Variants in CCDC88C observed in about 807,000 individuals in gnomAD.
CCDC88C encodes coiled-coil and HOOK domain protein 88C.
A neutral mutation model predicts 198.8 loss-of-function variants in CCDC88C; 131 were observed. The observed-to-expected ratio is 0.66, with a 90% CI of 0.57 to 0.76. CCDC88C has a LOEUF of 0.76. Ranked by LOEUF, CCDC88C falls within the 30% of genes least tolerant of loss-of-function variation. The probability of loss-of-function intolerance (pLI) is 0.00; values close to 1 mark genes in which losing one functional copy is unlikely to be tolerated. For synonymous variants in CCDC88C, 1,166 were observed against 1,114.7 expected (o/e 1.05, Z -0.92); for missense variants, 2,553 against 2,631.6 (o/e 0.97, Z 0.65).
At chr14:91,295,116 C>T (rs1247417446) in intron 22 of CCDC88C, among the ~76,000 whole-genome samples, 2 of 152,226 alleles carry the variant, frequency 1.3e-5, no homozygotes, top group Non-Finnish European at 2.9e-5. Flanking sequence ...ATGCCTGGTA[C>T]ACCGGAGGTG....
Position 91,272,772 on chromosome 14 carries a change from C to T in CCDC88C, c.5940G>A (p.Lys1980=). The T allele has an allele frequency of 6.2e-7, 1 of 1,607,082 alleles. No individual in the cohort carries two copies. Among genetic ancestry groups the T allele is most frequent in the Non-Finnish European group, 8.5e-7 (1 of 1,178,066 alleles). The change falls in exon 30 of 30, where the codon AAG becomes AAA. Residue 1980 remains lysine (K), a synonymous_variant. Coordinates refer to ENST00000389857, the MANE Select transcript of CCDC88C (RefSeq NM_001080414.4). Reference sequence around the variant, plus strand: ...CCAAATCGGGAGACCGACCTGGGCTCTTGGCCGGAAGCCCCTCACTGCAGC... The same window carrying T: ...CCAAATCGGGAGACCGACCTGGGCTTTTGGCCGGAAGCCCCTCACTGCAGC... The part of the protein sequence containing the change: ...GQGCSEGLPA[K]SPGRSPDLAP...
At chr14:91,314,469 G>A (rs1806842245) in intron 14 of CCDC88C, among the ~76,000 whole-genome samples, 1 of 152,156 alleles carries the variant, frequency 6.6e-6, no homozygotes, top group South Asian at 2.1e-4. Flanking sequence ...TGCAGCCTCT[G>A]CTTACACTAC....
intron 10 of CCDC88C, among the ~76,000 whole-genome samples, chr14:91,331,135 C>T (rs372387917): frequency 1.6e-4 from 24 of 151,230 alleles, no homozygotes; most frequent in Middle Eastern, 3.4e-3. Context: ...GGTGCAGGCA[C>T]GGCAGGTGGC....
At chr14:91,401,773 T>G (rs907599859) in intron 3 of CCDC88C, among the ~76,000 whole-genome samples, 3 of 152,240 alleles carry the variant, frequency 2.0e-5, no homozygotes, top group Non-Finnish European at 4.4e-5. Flanking sequence ...CTGCAAATTC[T>G]GTACAACGTA....
chr14:91,308,237 C>A, intron 17 of CCDC88C, 114 bp downstream of exon 17: 1 of 1,253,978 alleles, frequency 8.0e-7, no homozygotes, highest in South Asian at 1.5e-5. Context: ...GCGCATCTAC[C>A]CCTGCCCTAG....
At chr14:91,320,656 T>A (rs1892316939) in intron 13 of CCDC88C, among the ~76,000 whole-genome samples, 1 of 152,028 alleles carries the variant, frequency 6.6e-6, no homozygotes, top group Non-Finnish European at 1.5e-5. Context: ...GGCTGCAGGG[T>A]CTGTAGTGTC....
At position 91,339,765 on chromosome 14, in the gene CCDC88C, C is replaced by T. The variant is rs1221194790; in HGVS notation, c.624+119G>A. 16 of 1,246,368 alleles carry T rather than the reference C, an allele frequency of 1.3e-5. No homozygotes were observed. Among genetic ancestry groups the T allele is most frequent in the Non-Finnish European group, 1.7e-5 (16 of 924,558 alleles). The allele number at this position is 1,246,368 out of a possible 1,614,324, so 77.2% of individuals were successfully genotyped here. A position where few individuals can be genotyped will look rare whatever the true frequency, so the allele number is the denominator to read the frequency against. On this transcript the variant is annotated intron_variant, in intron 7 of 29. Coordinates refer to ENST00000389857, the MANE Select transcript of CCDC88C (RefSeq NM_001080414.4). The surrounding 1 kb of genome is among the most constrained non-coding windows in gnomAD (Gnocchi z 5.8). ...GTAACCAGGGAAAGCACGCACGTCC[C>T]ACCCCCACCAGAACCTCAGCAGCAG...
intron 3 of CCDC88C, among the ~76,000 whole-genome samples, chr14:91,389,894 A>G (rs1885388370): frequency 6.6e-6 from 1 of 151,656 alleles, no homozygotes; most frequent in African/African-American, 2.4e-5. Context: ...AACACGGTGA[A>G]ACCCCATCTC....
At chr14:91,289,440 T>C in intron 24 of CCDC88C, 97 bp from the exon 25 acceptor site, 1 of 1,069,882 alleles carries the variant, frequency 9.3e-7, no homozygotes, top group Non-Finnish European at 1.4e-6. Context: ...TCTTCCCCAG[T>C]CTGGGAAGCT....
At chr14:91,382,854 G>A (rs4904771) in intron 3 of CCDC88C, among the ~76,000 whole-genome samples, 19,596 of 152,164 alleles carry the variant, frequency 0.13, 1,526 homozygotes, top group Middle Eastern at 0.22. Flanking sequence ...CAGGGCCCAG[G>A]TGTCATCTGA....
intron 3 of CCDC88C, among the ~76,000 whole-genome samples, chr14:91,385,415 T>C (rs1327481562): frequency 6.7e-6 from 1 of 149,380 alleles, no homozygotes; most frequent in Non-Finnish European, 1.5e-5. Context: ...ATTACGAAGG[T>C]GGGAGCCTCC....
chr14:91,299,832 C>G (rs1891188073), intron 21 of CCDC88C, 95 bp downstream of exon 21: 1 of 1,401,070 alleles, frequency 7.1e-7, no homozygotes, highest in Non-Finnish European at 9.3e-7. Flanking sequence ...TCCACGATCG[C>G]CAGGGGACTT....
intron 2 of CCDC88C, among the ~76,000 whole-genome samples, chr14:91,412,100 C>T (rs1886821868): frequency 6.6e-6 from 1 of 151,942 alleles, no homozygotes. Flanking sequence ...ATTCCAAAAA[C>T]TTCCTAAATT....
rs1052436305 is a variant in CCDC88C, at chr14:91,371,123, A to G, written c.271-11412T>C. Among the ~76,000 whole-genome samples, 1 of 152,126 alleles carries G rather than the reference A, an allele frequency of 6.6e-6. No individual in the cohort carries two copies. Among genetic ancestry groups the G allele is most frequent in the African/African-American group, 2.4e-5 (1 of 41,414 alleles). ...CTGGGCTGCCCTTTCCTCTGTCCCT[A>G]AGTCCACCCCTCCTGGCTAAAACGA... On this transcript the variant is annotated intron_variant, in intron 3 of 29. Coordinates refer to ENST00000389857, the MANE Select transcript of CCDC88C (RefSeq NM_001080414.4). The surrounding 1 kb of genome is among the most constrained non-coding windows in gnomAD (Gnocchi z 4.2).
At chr14:91,326,204 T>C (rs557634539) in intron 10 of CCDC88C, 148 bp from the exon 11 acceptor site, 4 of 665,464 alleles carry the variant, frequency 6.0e-6, no homozygotes, top group East Asian at 2.8e-5. Flanking sequence ...TCCTCTACTT[T>C]TTTTTTTATC....
chr14:91,305,947 AG>A, intron 18 of CCDC88C, 21 bp from the exon 19 acceptor site: 1 of 1,606,852 alleles, frequency 6.2e-7, no homozygotes, highest in Non-Finnish European at 8.5e-7. Flanking sequence ...GGGAGGCATG[AG>A]CGAATCAAAC....
At position 91,308,333 on chromosome 14, in the gene CCDC88C, T is replaced by C; in HGVS notation, c.3006+18A>G. 2 of 1,613,598 alleles carry C rather than the reference T, an allele frequency of 1.2e-6. No homozygotes were observed. Among genetic ancestry groups the C allele is most frequent in the African/African-American group, 1.3e-5 (1 of 75,040 alleles). On this transcript the variant is annotated intron_variant, in intron 17 of 29. Transcript: ENST00000389857. ...GAGAATGGGCAGCTGGGCCCCACAG[T>C]GCAACCTCCACACTCACCATCTGCA... is the stretch of plus-strand genomic sequence containing the variant.
chr14:91,321,044 C>T, intron 13 of CCDC88C, 76 bp downstream of exon 13: 1 of 1,401,764 alleles, frequency 7.1e-7, no homozygotes, highest in Non-Finnish European at 9.6e-7. Context: ...GTCTGTGCTC[C>T]AGACAATCAC....
intron 3 of CCDC88C, among the ~76,000 whole-genome samples, chr14:91,386,814 T>TATG (rs1226607349): frequency 1.3e-5 from 2 of 152,250 alleles, no homozygotes; most frequent in African/African-American, 2.4e-5. Flanking sequence ...ATTCATGGGC[T>TATG]ATGACCCAGG....
Sources: gnomAD v4.1 joint callset for allele counts (sites outside exome capture counted in the v4.1 genomes callset) on GRCh38, gnomAD v4.1.1 for gene constraint, Gnocchi (gnomAD v3.1) non-coding constraint, MANE v1.5 for transcripts, NCBI Gene and HGNC (gene_info 2026-07-23, HGNC 2026-07-21) for gene names.